RIC3: variants seen among roughly 807,000 people sequenced by gnomAD.
RIC3 encodes the protein RIC3 acetylcholine receptor chaperone.
In RIC3, 28 loss-of-function variants were observed where a neutral mutation model predicts 27.3. That is an observed-to-expected ratio of 1.02 (90% CI 0.76 to 1.41). The LOEUF is 1.41. RIC3 is among the 40% of genes most tolerant of loss of function. The pLI, the probability that RIC3 is intolerant of heterozygous loss-of-function variation, is 0.00. For synonymous variants in RIC3, 184 were observed against 160.4 expected, an observed-to-expected ratio of 1.15 and a Z score of -1.11; for missense variants, 501 against 444.7, an observed-to-expected ratio of 1.13 and a Z score of -1.14.
At chr11:8,167,239 AGAAGGT>A (rs1452108297) in intron 1 of RIC3, among the ~76,000 whole-genome samples, 1 of 152,194 alleles carries the variant, frequency 6.6e-6, no homozygotes, top group Non-Finnish European at 1.5e-5. Flanking sequence ...CTTACATTCT[AGAAGGT>A]GAAGACAAAA....
chr11:8,133,888 G>T (rs917871317), intron 4 of RIC3, among the ~76,000 whole-genome samples: 6 of 152,066 alleles, frequency 3.9e-5, no homozygotes, highest in African/African-American at 1.4e-4. Context: ...ATAATAATGA[G>T]AAAATATCTT....
intron 1 of RIC3, among the ~76,000 whole-genome samples, chr11:8,146,171 A>C (rs1017435890): frequency 1.3e-5 from 2 of 152,260 alleles, no homozygotes; most frequent in African/African-American, 4.8e-5. Context: ...GAAGAATGGA[A>C]AATCAAAATG....
At chr11:8,100,591 GC>G in the RIC3 span, 3 of 1,613,826 alleles carry the variant, frequency 1.9e-6, no homozygotes, top group Admixed American at 1.7e-5. Context: ...GTCTCTATCC[GC>G]CCCCGCAACG....
intron 4 of RIC3, among the ~76,000 whole-genome samples, chr11:8,129,535 G>C (rs1470840474): frequency 6.6e-6 from 1 of 151,814 alleles, no homozygotes; most frequent in Non-Finnish European, 1.5e-5. Context: ...AGGATCGTGA[G>C]CAACTGCATG....
chr11:8,142,408 A>C (rs1949182718), intron 1 of RIC3, among the ~76,000 whole-genome samples: 2 of 151,690 alleles, frequency 1.3e-5, no homozygotes, highest in Admixed American at 6.6e-5. Flanking sequence ...CCTCTACGCA[A>C]AAAAACTAGA....
At chr11:8,136,064 G>A (rs561818368) in intron 4 of RIC3, among the ~76,000 whole-genome samples, 6 of 152,230 alleles carry the variant, frequency 3.9e-5, no homozygotes, top group Middle Eastern at 6.8e-3. Context: ...TAGTAACTCT[G>A]CTTTCCAGGC....
In RIC3 at chr11:8,115,171, C is replaced by G. The variant is rs568202394; in HGVS notation, c.671-4034G>C. ...TAATCAAACTATCAAAAATCAAAGA[C>G]AGAGAGGATGCTGGAAGCAGCAAAA... On this transcript the variant is annotated intron_variant, in intron 5 of 5. Coordinates refer to ENST00000309737, the MANE Select transcript of RIC3 (RefSeq NM_001206671.4). 2.6e-5 allele frequency among the ~76,000 whole-genome samples: 4 copies of G among 152,018 alleles called. No individual in the cohort carries two copies. In the East Asian group the frequency reaches 5.8e-4, roughly 22 times the overall value.
chr11:8,154,931 C>T (rs1279848094), intron 1 of RIC3, among the ~76,000 whole-genome samples: 3 of 151,974 alleles, frequency 2.0e-5, no homozygotes, highest in Non-Finnish European at 2.9e-5. Context: ...AAAGCTTTGC[C>T]CATATTCAGG....
the RIC3 span, among the ~76,000 whole-genome samples, chr11:8,099,877 ATGGAG>A: frequency 6.6e-5 from 10 of 152,188 alleles, no homozygotes; most frequent in Non-Finnish European, 1.3e-4. Flanking sequence ...TGAAGAAGGA[ATGGAG>A]TGGATACCAG....
chr11:8,103,181 G>GGCCTGA (rs1356034888), downstream of RIC3: 1 of 152,164 alleles, frequency 6.6e-6, no homozygotes, highest in Non-Finnish European at 1.5e-5. Context: ...TCTGGGGCTG[G>GGCCTGA]GCCTGAGCCT....
At chr11:8,160,487 T>A (rs1218001968) in intron 1 of RIC3, among the ~76,000 whole-genome samples, 1 of 152,130 alleles carries the variant, frequency 6.6e-6, no homozygotes, top group Admixed American at 6.5e-5. Context: ...CTTGGCCAAA[T>A]TTAAACAAAT....
intron 1 of RIC3, among the ~76,000 whole-genome samples, chr11:8,163,018 AACACAC>A (rs59248468): frequency 1.4e-4 from 19 of 135,964 alleles, no homozygotes; most frequent in East Asian, 2.1e-4. Flanking sequence ...GGATTATTTA[AACACAC>A]ACACACACAC....
chr11:8,093,922 A>G, the RIC3 span: 1 of 1,112,606 alleles, frequency 9.0e-7, no homozygotes, highest in Non-Finnish European at 1.3e-6. Flanking sequence ...GAAGTGGTAC[A>G]GGGGCCCTGG....
At chr11:8,135,381 T>A (rs1948267545) in intron 4 of RIC3, among the ~76,000 whole-genome samples, 1 of 152,224 alleles carries the variant, frequency 6.6e-6, no homozygotes, top group African/African-American at 2.4e-5. Flanking sequence ...TTTTGGTTAC[T>A]GTAGCCTTGT....
chr11:8,146,785 G>C (rs1166787364), intron 1 of RIC3, among the ~76,000 whole-genome samples: 1 of 152,138 alleles, frequency 6.6e-6, no homozygotes, highest in Non-Finnish European at 1.5e-5. Context: ...AAAATTTTCT[G>C]GTTGACAATT....
At chr11:8,140,269 G>A in intron 1 of RIC3, 76 bp from the exon 2 acceptor site, 3 of 1,349,434 alleles carry the variant, frequency 2.2e-6, no homozygotes, top group Non-Finnish European at 3.0e-6. Flanking sequence ...AAATCATTAA[G>A]GTATAAAAGA....
At chr11:8,123,777 T>G (rs970982438) in intron 5 of RIC3, among the ~76,000 whole-genome samples, 1 of 151,924 alleles carries the variant, frequency 6.6e-6, no homozygotes, top group African/African-American at 2.4e-5. Flanking sequence ...CAGTGGCTCA[T>G]GCCTATAATC....
In RIC3 at chr11:8,134,991, G is replaced by A. The variant is rs1412165270; in HGVS notation, c.521+2387C>T. On this transcript the variant is annotated intron_variant, in intron 4 of 5. Coordinates refer to ENST00000309737, the MANE Select transcript of RIC3 (RefSeq NM_001206671.4). ...TCTTTTGCTGTGCAGAAGCTCTTTA[G>A]TTTAATTAGATCCCATTTGTCAATT... 3.3e-5 allele frequency among the ~76,000 whole-genome samples: 5 copies of A among 152,038 alleles called. No homozygotes were observed. The East Asian group carries it at 7.7e-4, about 23-fold the overall frequency.
intron 5 of RIC3, among the ~76,000 whole-genome samples, chr11:8,123,390 AAG>A (rs760170255): frequency 6.6e-6 from 1 of 152,150 alleles, no homozygotes; most frequent in East Asian, 1.9e-4. Context: ...AAGTACCAGA[AAG>A]AAAGAAACAC....
Sources: gnomAD v4.1 joint callset for allele counts (sites outside exome capture counted in the v4.1 genomes callset) on GRCh38, gnomAD v4.1.1 for gene constraint, MANE v1.5 for transcripts, NCBI Gene and HGNC (gene_info 2026-07-23, HGNC 2026-07-21) for gene names.